The following CFTR variants were observed in gnomAD, a reference collection of about 807,000 sequenced individuals.
CFTR encodes the protein cystic fibrosis transmembrane conductance regulator.
In CFTR, 181 loss-of-function variants were observed where a neutral mutation model predicts 171.6. That is an observed-to-expected ratio of 1.05 (90% CI 0.93 to 1.19). The LOEUF (loss-of-function observed/expected upper bound fraction) is 1.19, where lower values mean the gene tolerates loss of function less well. CFTR is among the 50% of genes most tolerant of loss of function. The pLI is 0.00. For missense variants in CFTR, 1,968 were observed against 1,734.7 expected (o/e 1.13, Z -2.39); for synonymous variants, 583 against 608.0 (o/e 0.96, Z 0.60).
intron 9 of CFTR, among the ~76,000 whole-genome samples, chr7:117,543,656 A>G (rs1171262249): frequency 6.6e-6 from 1 of 152,220 alleles, no homozygotes; most frequent in East Asian, 1.9e-4. Flanking sequence ...ACTGGCAAGG[A>G]CTGAAAATGG....
At chr7:117,529,662 G>T (rs1278077571) in intron 3 of CFTR, among the ~76,000 whole-genome samples, 1 of 152,124 alleles carries the variant, frequency 6.6e-6, no homozygotes, top group Non-Finnish European at 1.5e-5. Context: ...ATGGGTTAGG[G>T]TTTCTTGTGG....
intron 22 of CFTR, among the ~76,000 whole-genome samples, chr7:117,637,180 TCTGA>T (rs1792839075): frequency 6.6e-6 from 1 of 152,066 alleles, no homozygotes; most frequent in Non-Finnish European, 1.5e-5. Context: ...CCCTGTCATA[TCTGA>T]CTGTGGTTCT....
At chr7:117,590,637 C>T (rs1792011985) in intron 13 of CFTR, among the ~76,000 whole-genome samples, 198 bp downstream of exon 13, 1 of 152,058 alleles carries the variant, frequency 6.6e-6, no homozygotes, top group Admixed American at 6.5e-5. Flanking sequence ...AAAACCTTTT[C>T]TCACCGCCTC....
chr7:117,666,257 G>A (rs1793375534), intron 26 of CFTR, among the ~76,000 whole-genome samples: 1 of 152,158 alleles, frequency 6.6e-6, no homozygotes, highest in Non-Finnish European at 1.5e-5. Flanking sequence ...ATTCCCTATG[G>A]TTTAGTCACA....
intron 11 of CFTR, among the ~76,000 whole-genome samples, chr7:117,573,843 A>G (rs940744546): frequency 1.3e-5 from 2 of 152,108 alleles, no homozygotes; most frequent in Non-Finnish European, 2.9e-5. Flanking sequence ...TTTTTATGTA[A>G]CAGGTCAATT....
In CFTR at chr7:117,627,801, A is replaced by T. The variant is rs772777450; in HGVS notation, c.3717+31A>T. The T allele has an allele frequency of 6.2e-6, 10 of 1,604,288 alleles. No homozygotes were observed. The African/African-American group carries it at 1.3e-4, about 21-fold the overall frequency. ...ATTTGAACACTGCTTGCTTTGTTAG[A>T]CTGTGTTCAGTAAGTGAATCCCAGT... On this transcript the variant is annotated intron_variant, in intron 22 of 26. Coordinates refer to ENST00000003084, the MANE Select transcript of CFTR (RefSeq NM_000492.4).
chr7:117,528,155 A>G (rs1422054490), intron 3 of CFTR, among the ~76,000 whole-genome samples: 7 of 125,034 alleles, frequency 5.6e-5, no homozygotes, highest in African/African-American at 2.1e-4. Context: ...TGGTACTGGT[A>G]CCAAAACAGA....
At chr7:117,574,736 G>A (rs1188597100) in intron 11 of CFTR, among the ~76,000 whole-genome samples, 2 of 152,044 alleles carry the variant, frequency 1.3e-5, no homozygotes, top group South Asian at 2.1e-4. Flanking sequence ...AATTTGACAT[G>A]TACTATTCCA....
chr7:117,545,433 C>G (rs1447879914), intron 9 of CFTR, among the ~76,000 whole-genome samples: 2 of 152,188 alleles, frequency 1.3e-5, no homozygotes, highest in Admixed American at 1.3e-4. Flanking sequence ...GCTGATGACT[C>G]TCAAATGCGC....
At chr7:117,627,389 G>C (rs1469067554) in intron 21 of CFTR, 133 bp from the exon 22 acceptor site, 2 of 936,514 alleles carry the variant, frequency 2.1e-6, no homozygotes, top group Non-Finnish European at 1.7e-6. Context: ...TTAGTTCATT[G>C]AAAAGCCCGA....
chr7:117,622,835 A>T (rs1792602873), intron 21 of CFTR, among the ~76,000 whole-genome samples: 1 of 152,194 alleles, frequency 6.6e-6, no homozygotes, highest in Admixed American at 6.5e-5. Context: ...TGACAAAGAA[A>T]ATCAAGAATT....
At chr7:117,543,003 C>T (rs1799082947) in intron 9 of CFTR, among the ~76,000 whole-genome samples, 2 of 152,196 alleles carry the variant, frequency 1.3e-5, no homozygotes, top group African/African-American at 4.8e-5. Context: ...AACCTATTTT[C>T]ATCCACTGTT....
chr7:117,638,211 C>G lies in CFTR; in HGVS notation c.3718-4227C>G, dbSNP rs1230029583. On this transcript the variant is annotated intron_variant, in intron 22 of 26. Coordinates refer to ENST00000003084, the MANE Select transcript of CFTR (RefSeq NM_000492.4). ...GGCAGTGGTTTGCCCTGTGACCTCA[C>G]TTCTCTGACAGATCTAAGAAAAGTT... Among the ~76,000 whole-genome samples the G allele has an allele frequency of 2.0e-5, 3 of 152,186 alleles. No individual in the cohort carries two copies. In the East Asian group the frequency reaches 5.8e-4, roughly 29 times the overall value.
intron 23 of CFTR, among the ~76,000 whole-genome samples, chr7:117,651,408 G>A (rs1446235237): frequency 6.6e-6 from 1 of 152,086 alleles, no homozygotes; most frequent in East Asian, 1.9e-4. Flanking sequence ...TCTCAGCACT[G>A]CTTCTTGTTT....
intron 9 of CFTR, among the ~76,000 whole-genome samples, chr7:117,547,446 G>A (rs35396010): frequency 0.014 from 2,194 of 151,834 alleles, 54 homozygotes; most frequent in African/African-American, 0.05. Context: ...AATATAACTT[G>A]CTTTCTGTCA....
intron 2 of CFTR, among the ~76,000 whole-genome samples, chr7:117,505,110 T>C (rs371043502): frequency 6.6e-6 from 1 of 152,150 alleles, no homozygotes; most frequent in East Asian, 1.9e-4. Context: ...GAATATCTCC[T>C]CTCAGCCACT....
At chr7:117,597,836 G>T (rs1346991851) in intron 15 of CFTR, among the ~76,000 whole-genome samples, 1 of 151,636 alleles carries the variant, frequency 6.6e-6, no homozygotes, top group Non-Finnish European at 1.5e-5. Context: ...GGGGCGGGGG[G>T]GCAGAATGAA....
chr7:117,602,804 A>G lies in CFTR; in HGVS notation c.2620-22A>G, dbSNP rs146899960. ...GGTGAAGATGTTAGAAAAAAAATCA[A>G]CTGTGTCTTGTTCCATTCCAGGTGG... is the stretch of plus-strand genomic sequence containing the variant. On this transcript the variant is annotated intron_variant, in intron 15 of 26. Transcript: ENST00000003084. The G allele has an allele frequency of 1.2e-4, 194 of 1,612,674 alleles. No homozygotes were observed. The highest frequency in any genetic ancestry group is 1.6e-4 in the Middle Eastern group (1 of 6,082).
chr7:117,493,222 A>G (rs1355525254), intron 1 of CFTR, among the ~76,000 whole-genome samples: 1 of 152,150 alleles, frequency 6.6e-6, no homozygotes, highest in East Asian at 1.9e-4. Flanking sequence ...GATTGCAAAG[A>G]TGAACATTTT....
Sources: gnomAD v4.1 joint callset for allele counts (sites outside exome capture counted in the v4.1 genomes callset) on GRCh38, gnomAD v4.1.1 for gene constraint, MANE v1.5 for transcripts, NCBI Gene and HGNC (gene_info 2026-07-23, HGNC 2026-07-21) for gene names.